HERC1: variants seen among roughly 807,000 people sequenced by gnomAD.
HERC1 encodes probable E3 ubiquitin-protein ligase HERC1.
In HERC1, 160 loss-of-function variants were observed where a neutral mutation model predicts 554.3. The observed-to-expected ratio is 0.29, with a 90% CI of 0.25 to 0.33. HERC1 has a LOEUF of 0.33. Among genes scored for constraint, HERC1 ranks in the 10% least tolerant of loss-of-function variants. HERC1 has a pLI of 1.00. For synonymous variants in HERC1, 2,175 were observed against 2,131.7 expected, an observed-to-expected ratio of 1.02 and a Z score of -0.56; for missense variants, 4,919 against 5,918.5, an observed-to-expected ratio of 0.83 and a Z score of 5.54.
Position 63,642,248 on chromosome 15 carries a change from G to C in HERC1, c.11434-605C>G, listed in dbSNP as rs1462723784. Among the ~76,000 whole-genome samples the C allele has an allele frequency of 3.3e-5, 5 of 152,176 alleles. 1 individual carries two copies. The highest frequency in any genetic ancestry group is 2.0e-4 in the Admixed American group (3 of 15,272). On this transcript the variant is annotated intron_variant, in intron 59 of 77. Transcript: ENST00000443617. ...CAGCAGGGGACCAGCAGTTTTACTA[G>C]AATATTAAATTTGAAAGCCAAGATA...
At position 63,640,464 on chromosome 15, in the gene HERC1, A is replaced by T; in HGVS notation, c.11608-19T>A. 1 of 1,592,260 alleles carries T rather than the reference A, an allele frequency of 6.3e-7. No homozygotes were observed. Among genetic ancestry groups the T allele is most frequent in the Non-Finnish European group, 8.6e-7 (1 of 1,162,604 alleles). On this transcript the variant is annotated intron_variant, in intron 60 of 77. Coordinates refer to ENST00000443617, the MANE Select transcript of HERC1 (RefSeq NM_003922.4). ...CATGAGGCTAAAACAAAATACAAGG[A>T]TATAATATGTCAAAGAGTTTGTGCC...
intron 1 of HERC1, among the ~76,000 whole-genome samples, chr15:63,792,298 C>A (rs1027490365): frequency 2.0e-5 from 3 of 152,164 alleles, no homozygotes; most frequent in Admixed American, 6.5e-5. Context: ...TCTCCGAAGT[C>A]CTTTCCACTT....
rs138315780 is a variant in HERC1 at position 63,755,591 on chromosome 15, C to A, written c.1534-266G>T. Among the ~76,000 whole-genome samples the A allele has an allele frequency of 2.0e-5, 3 of 152,180 alleles. No homozygotes were observed. In the East Asian group the frequency reaches 5.8e-4, roughly 29 times the overall value. On this transcript the variant is annotated intron_variant, in intron 5 of 77. Coordinates refer to ENST00000443617, the MANE Select transcript of HERC1 (RefSeq NM_003922.4). ...CTCAGGAGTTCGAGTTCAGCCTGGG[C>A]AACATGGCAAAACCCTGTTTCTTTT...
At chr15:63,665,615 T>C (rs966006564) in intron 42 of HERC1, among the ~76,000 whole-genome samples, 1 of 152,268 alleles carries the variant, frequency 6.6e-6, no homozygotes, top group Non-Finnish European at 1.5e-5. Flanking sequence ...ATATCACTTG[T>C]ACGAGATAAA....
rs760829940 is a variant in HERC1 at position 63,674,777 on chromosome 15, T to C, written c.7411A>G (p.Thr2471Ala). The C allele has an allele frequency of 5.6e-6, 9 of 1,613,844 alleles. No individual in the cohort carries two copies. Among genetic ancestry groups the C allele is most frequent in the East Asian group, 2.2e-5 (1 of 44,896 alleles). The change falls in exon 38 of 78, where the codon ACA becomes GCA. Residue 2471 changes from threonine (T) to alanine (A), a missense_variant. By Grantham distance (58) the Thr-to-Ala change is moderately conservative. Transcript: ENST00000443617. ...TGTTGGGATTCCACACTTGGCAGTG[T>C]TGGATCTAAAGAAAATGAAGCGATT... is the stretch of plus-strand genomic sequence containing the variant. ...NEIASFSLDPTLPSVESQHQI... is the reference protein window; with the variant it reads ...NEIASFSLDPALPSVESQHQI...
chr15:63,820,893 T>C (rs2077667442), intron 1 of HERC1, among the ~76,000 whole-genome samples: 1 of 152,128 alleles, frequency 6.6e-6, no homozygotes, highest in Admixed American at 6.5e-5. Flanking sequence ...TACTACTACA[T>C]TAACATTACT....
At chr15:63,624,361 C>T in intron 71 of HERC1, 34 bp from the exon 72 acceptor site, 1 of 1,529,402 alleles carries the variant, frequency 6.5e-7, no homozygotes, top group Non-Finnish European at 8.9e-7. Context: ...AGAAATGGTA[C>T]AATCTAGGCT....
intron 76 of HERC1, among the ~76,000 whole-genome samples, chr15:63,615,383 TG>T (rs1228368751): frequency 6.6e-6 from 1 of 152,124 alleles, no homozygotes; most frequent in Non-Finnish European, 1.5e-5. Flanking sequence ...CTGAGGCAGG[TG>T]GATCACTTGA....
intron 8 of HERC1, among the ~76,000 whole-genome samples, chr15:63,750,960 T>C (rs928479562): frequency 7.2e-5 from 11 of 152,092 alleles, no homozygotes; most frequent in African/African-American, 2.7e-4. Context: ...AATGAGAACA[T>C]ATATTTGTAC....
chr15:63,808,249 T>C (rs954408163), intron 1 of HERC1, among the ~76,000 whole-genome samples: 1 of 152,182 alleles, frequency 6.6e-6, no homozygotes, highest in Admixed American at 6.5e-5. Context: ...TAACGGCTGC[T>C]ATCAAACTTG....
At chr15:63,651,427 A>G (rs560744706) in intron 52 of HERC1, 47 bp from the exon 53 acceptor site, 1 of 1,563,354 alleles carries the variant, frequency 6.4e-7, no homozygotes, top group Admixed American at 1.9e-5. Context: ...CATCATTCAA[A>G]AGTAAATTAA....
intron 44 of HERC1, 74 bp from the exon 45 acceptor site, chr15:63,662,095 A>C (rs1466504420): frequency 4.4e-6 from 6 of 1,368,920 alleles, no homozygotes; most frequent in African/African-American, 1.5e-5. Flanking sequence ...TAGATTATTT[A>C]TATTAAATTA....
At chr15:63,833,753 G>GCGCA (rs1340096449) in intron 1 of HERC1, 74 bp downstream of exon 1, 44 of 46,490 alleles carry the variant, frequency 9.5e-4, no homozygotes, top group Non-Finnish European at 1.9e-3. Flanking sequence ...ACGCGCGCGC[G>GCGCA]CACACACACA....
chr15:63,758,361 T>G lies in HERC1; in HGVS notation c.1035A>C (p.Arg345Ser). 1.3e-6 allele frequency: 2 copies of G among 1,577,418 alleles called. No homozygotes were observed. The highest frequency in any genetic ancestry group is 1.7e-6 in the Non-Finnish European group (2 of 1,151,578). Residue 345 changes from arginine to serine, a missense_variant, in exon 4 of 78, where the codon AGA (arginine) becomes AGC (serine). By Grantham distance (110) the Arg-to-Ser change is moderately radical. Coordinates refer to ENST00000443617, the MANE Select transcript of HERC1 (RefSeq NM_003922.4). The surrounding 1 kb of genome is among the most constrained non-coding windows in gnomAD (Gnocchi z 4.0). The part of the protein sequence containing the change: ...AALCLFEEVC[R>S]MASDYSRTCA... ...ATGTTCTCGAATAATCAGAAGCCAT[T>G]CTGCAAACCTATTAAAAATTTAAAA... is the stretch of plus-strand genomic sequence containing the variant.
chr15:63,742,893 G>A (rs2074868474), intron 12 of HERC1, among the ~76,000 whole-genome samples: 1 of 152,108 alleles, frequency 6.6e-6, no homozygotes, highest in African/African-American at 2.4e-5. Flanking sequence ...TCTTCATAAT[G>A]GATACTGAAG....
intron 26 of HERC1, 116 bp downstream of exon 26, chr15:63,698,612 G>A (rs573562190): frequency 2.9e-6 from 3 of 1,017,392 alleles, no homozygotes; most frequent in African/African-American, 3.3e-5. Flanking sequence ...CTCAGGTACA[G>A]GAAAGGGGAA....
chr15:63,743,844 G>GT (rs2074927092), intron 12 of HERC1, among the ~76,000 whole-genome samples: 1 of 152,150 alleles, frequency 6.6e-6, no homozygotes, highest in Non-Finnish European at 1.5e-5. Context: ...ATTTGGTTAG[G>GT]TCATGGATGG....
At chr15:63,721,539 C>CA (rs1409112612) in intron 19 of HERC1, among the ~76,000 whole-genome samples, 2 of 150,888 alleles carry the variant, frequency 1.3e-5, no homozygotes, top group African/African-American at 4.9e-5. Context: ...AAACAAAAAA[C>CA]AAAAAAAAGA....
At chr15:63,621,684 C>T (rs1165954848) in intron 74 of HERC1, among the ~76,000 whole-genome samples, 6 of 152,096 alleles carry the variant, frequency 3.9e-5, no homozygotes, top group Non-Finnish European at 8.8e-5. Context: ...AGGCTTTGTT[C>T]GTTTCTTTTT....
Sources: allele counts gnomAD v4.1 joint callset (sites outside exome capture counted in the v4.1 genomes callset), GRCh38; gene constraint gnomAD v4.1.1; non-coding constraint Gnocchi (gnomAD v3.1); transcripts MANE v1.5; gene names NCBI Gene and HGNC (gene_info 2026-07-23, HGNC 2026-07-21).